Variants in TRIM67 observed in about 807,000 individuals in gnomAD.
TRIM67 encodes the protein tripartite motif containing 67, also known as tripartite motif-containing protein 67.
In TRIM67, 39 loss-of-function variants were observed where a neutral mutation model predicts 71.0. The ratio of observed to expected loss-of-function variants is 0.55; its 90% CI spans 0.43 to 0.72. The LOEUF is 0.72. Ranked by LOEUF, TRIM67 falls within the 30% of genes least tolerant of loss-of-function variation. The probability of loss-of-function intolerance (pLI) is 0.00; values close to 1 mark genes in which losing one functional copy is unlikely to be tolerated. For missense variants in TRIM67, 973 were observed against 1,079.2 expected, an observed-to-expected ratio of 0.90 and a Z score of 1.38; for synonymous variants, 481 against 473.9, an observed-to-expected ratio of 1.01 and a Z score of -0.19.
intron 5 of TRIM67, among the ~76,000 whole-genome samples, chr1:231,202,119 G>GAGA (rs1363349460): frequency 2.8e-3 from 13 of 4,682 alleles, no homozygotes; most frequent in Admixed American, 8.3e-3. Context: ...GGAGGTAATG[G>GAGA]TGGAGGAGGA....
intron 1 of TRIM67, among the ~76,000 whole-genome samples, chr1:231,174,256 T>A (rs1682688268): frequency 6.6e-6 from 1 of 151,642 alleles, no homozygotes; most frequent in Non-Finnish European, 1.5e-5. Flanking sequence ...ACTCCTAGGT[T>A]CAAACAATCC....
chr1:231,181,512 A>C (rs1232258790), intron 1 of TRIM67, among the ~76,000 whole-genome samples: 1 of 152,200 alleles, frequency 6.6e-6, no homozygotes, highest in Non-Finnish European at 1.5e-5. Context: ...TGTCTGATAC[A>C]ACCATTCTCT....
chr1:231,200,374 T>C, intron 4 of TRIM67, 116 bp downstream of exon 4: 2 of 665,386 alleles, frequency 3.0e-6, no homozygotes, highest in Admixed American at 2.3e-5. Flanking sequence ...TAGATTCTCC[T>C]TTGTTCAATG....
intron 1 of TRIM67, among the ~76,000 whole-genome samples, chr1:231,179,603 G>A (rs1277471046): frequency 2.6e-5 from 4 of 152,160 alleles, no homozygotes; most frequent in Non-Finnish European, 4.4e-5. Flanking sequence ...TGAACAGTAG[G>A]ATATGAATAA....
chr1:231,209,137 G>A lies in TRIM67; in HGVS notation c.2010G>A (p.Val670=). The A allele has an allele frequency of 6.2e-7, 1 of 1,613,952 alleles. No homozygotes were observed. The highest frequency in any genetic ancestry group is 8.5e-7 in the Non-Finnish European group (1 of 1,179,864). The part of the protein sequence containing the change: ...YDNHPDPAFG[V]ARASVVKDMM... ...ACCACCCAGACCCCGCCTTCGGGGT[G>A]GCCAGGGCCAGCGTGGTCAAGGACA... The change falls in exon 8 of 10, where the codon GTG becomes GTA. Residue 670 remains valine (V), a synonymous_variant. Transcript: ENST00000366653. This position sits in a 1 kb window ranked among gnomAD's most constrained non-coding sequence, Gnocchi z 4.1.
At chr1:231,200,057 G>C (rs1683476807) in intron 3 of TRIM67, 91 bp from the exon 4 acceptor site, 1 of 952,664 alleles carries the variant, frequency 1.0e-6, no homozygotes, top group African/African-American at 1.6e-5. Flanking sequence ...CCTCTTCCAG[G>C]CTGTATTGGC....
At chr1:231,166,291 G>T (rs1022638531) in intron 1 of TRIM67, among the ~76,000 whole-genome samples, 15 of 152,308 alleles carry the variant, frequency 9.8e-5, no homozygotes, top group African/African-American at 3.6e-4. Flanking sequence ...TCTTCAGCAG[G>T]TGCTGTTGAT....
rs866850596 is a variant in TRIM67 at position 231,197,426 on chromosome 1, A to G, written c.1100A>G (p.Glu367Gly). The G allele has an allele frequency of 6.2e-7, 1 of 1,614,018 alleles. No individual in the cohort carries two copies. The highest frequency in any genetic ancestry group is 1.3e-5 in the African/African-American group (1 of 75,062). The change falls in exon 2 of 10, where the codon GAG becomes GGG. Residue 367 changes from glutamate (E) to glycine (G), a missense_variant. Coordinates refer to ENST00000366653, the MANE Select transcript of TRIM67 (RefSeq NM_001004342.5). ...GVSDKAKEAKEFLVQLKNILQ... is the reference protein window; with the variant it reads ...GVSDKAKEAKGFLVQLKNILQ... ...TCAGATAAGGCAAAGGAAGCAAAGG[A>G]GTTTCTGGTTCAGCTAAAGAACATA... is the stretch of plus-strand genomic sequence containing the variant.
intron 1 of TRIM67, among the ~76,000 whole-genome samples, chr1:231,172,727 T>G (rs1383488122): frequency 1.3e-5 from 2 of 152,226 alleles, no homozygotes; most frequent in African/African-American, 4.8e-5. Context: ...GTTAGGAAAT[T>G]TAGACACATA....
At position 231,206,860 on chromosome 1, in the gene TRIM67, T is replaced by C. The variant is rs1683716891; in HGVS notation, c.1819+70T>C. On this transcript the variant is annotated intron_variant, in intron 7 of 9. Transcript: ENST00000366653. ...TATCCAGTGACAACCAGACAGCCAC[T>C]TGTGGCAGCTATGATGATGGGGTAG... 6.1e-6 allele frequency: 9 copies of C among 1,473,178 alleles called. No individual in the cohort carries two copies. The South Asian group carries it at 8.2e-5, about 13-fold the overall frequency. 91.3% of individuals were successfully genotyped at this position (1,473,178 alleles called of 1,614,324 possible). A position where few individuals can be genotyped will look rare whatever the true frequency, so the allele number is the denominator to read the frequency against.
In TRIM67 at chr1:231,169,991, C is replaced by CTTTTTTTTTTTTTTTTTTT. The variant is rs1342320930; in HGVS notation, c.1044+5979_1044+5980insTTTTTTTTTTTTTTTTTTT. On this transcript the variant is annotated intron_variant, in intron 1 of 9. Transcript: ENST00000366653. Reference sequence around the variant, plus strand: ...ACCTTTAAAATGTTTTTTTCTTTCTCTCTTTTTTTTTTGAGTTGGAGTTTC... The same window carrying CTTTTTTTTTTTTTTTTTTT: ...ACCTTTAAAATGTTTTTTTCTTTCTCTTTTTTTTTTTTTTTTTTTTCTTTTTTTTTTGAGTTGGAGTTTC... Among the ~76,000 whole-genome samples, 63 of 130,142 alleles carry CTTTTTTTTTTTTTTTTTTT rather than the reference C, an allele frequency of 4.8e-4. 1 individual carries two copies. The highest frequency in any genetic ancestry group is 1.7e-3 in the East Asian group (8 of 4,662). The allele number at this position is 130,142 out of a possible 152,430, so 85.4% of individuals were successfully genotyped here.
Position 231,162,896 on chromosome 1 carries a change from G to A in TRIM67, c.-74G>A. 1.9e-6 allele frequency: 3 copies of A among 1,545,616 alleles called. No homozygotes were observed. Among genetic ancestry groups the A allele is most frequent in the Non-Finnish European group, 2.6e-6 (3 of 1,151,254 alleles). On this transcript the variant is annotated 5_prime_UTR_variant, in exon 1 of 10. Transcript: ENST00000366653. ...CGTCTCACCGGGGCGCACCGCGCTGGTCCTCCTCCGCCAGTCTCCCGAGCT... is the reference window on the plus strand; with the variant it reads ...CGTCTCACCGGGGCGCACCGCGCTGATCCTCCTCCGCCAGTCTCCCGAGCT...
In TRIM67 at chr1:231,216,258, T is replaced by C; in HGVS notation, c.*818T>C. On this transcript the variant is annotated 3_prime_UTR_variant, in exon 10 of 10. Transcript: ENST00000366653. Reference sequence around the variant, plus strand: ...TCCATCCCTGCCTCTTTCTTCCCTCTTTCGCTCTCTTTCCCTCCCTCCTTC... The same window carrying C: ...TCCATCCCTGCCTCTTTCTTCCCTCCTTCGCTCTCTTTCCCTCCCTCCTTC... The C allele has an allele frequency of 1.0e-6, 1 of 979,218 alleles. No individual in the cohort carries two copies. The highest frequency in any genetic ancestry group is 1.2e-6 in the Non-Finnish European group (1 of 824,638). The allele number at this position is 979,218 out of a possible 1,614,324, so 60.7% of individuals were successfully genotyped here. A position where few individuals can be genotyped will look rare whatever the true frequency, so the allele number is the denominator to read the frequency against.
intron 1 of TRIM67, among the ~76,000 whole-genome samples, chr1:231,180,509 C>G (rs1383360420): frequency 6.6e-6 from 1 of 152,182 alleles, no homozygotes; most frequent in Non-Finnish European, 1.5e-5. Context: ...CCTGCACCCC[C>G]CTTCAGATAC....
chr1:231,176,275 C>A (rs1398851865), intron 1 of TRIM67, among the ~76,000 whole-genome samples: 2 of 152,160 alleles, frequency 1.3e-5, no homozygotes, highest in Admixed American at 6.5e-5. Context: ...TACAGCCAAC[C>A]TGATGTATAT....
chr1:231,163,730 C>T lies in TRIM67; in HGVS notation c.761C>T (p.Pro254Leu). Residue 254 changes from proline (P) to leucine (L), a missense_variant, in exon 1 of 10, where the codon CCG becomes CTG. Coordinates refer to ENST00000366653, the MANE Select transcript of TRIM67 (RefSeq NM_001004342.5). ...GCCAAGCATCGCCTGGTGCAGCCGC[C>T]GCCGCCGCCGCCGCCGCCCGCCGAG... ...PFAKHRLVQP[P>L]PPPPPPAEAA... is the part of the protein sequence containing the mutation. The T allele has an allele frequency of 6.7e-7, 1 of 1,487,666 alleles. No homozygotes were observed. The highest frequency in any genetic ancestry group is 8.9e-7 in the Non-Finnish European group (1 of 1,119,362). 92.2% of individuals were successfully genotyped at this position (1,487,666 alleles called of 1,614,324 possible).
In TRIM67 at chr1:231,211,443, C is replaced by A. The variant is rs151128624; in HGVS notation, c.2123+2193C>A. On this transcript the variant is annotated intron_variant, in intron 8 of 9. Transcript: ENST00000366653. The stretch of plus-strand genomic sequence containing the variant: ...GTTGGACCCCAGAGCTGACTGGGGG[C>A]CTGAGGCTTTGCTTAGGTTGGACTC... Among the ~76,000 whole-genome samples the A allele has an allele frequency of 9.3e-4, 141 of 152,282 alleles. 4 individuals are homozygous for A. The East Asian group carries it at 0.02, about 22-fold the overall frequency.
In TRIM67 at chr1:231,162,942, C is replaced by T. The variant is rs1367248796; in HGVS notation, c.-28C>T. 3.1e-6 allele frequency: 5 copies of T among 1,603,892 alleles called. No individual in the cohort carries two copies. The highest frequency in any genetic ancestry group is 2.7e-5 in the African/African-American group (2 of 74,488). Reference sequence around the variant, plus strand: ...GAGCTCCGGCCATTCATCCCCAGCGCAGAGCAGCGCTGGCAGCCGGCGCCG... The same window carrying T: ...GAGCTCCGGCCATTCATCCCCAGCGTAGAGCAGCGCTGGCAGCCGGCGCCG... On this transcript the variant is annotated 5_prime_UTR_variant, in exon 1 of 10. Transcript: ENST00000366653.
Position 231,218,073 on chromosome 1 carries a change from A to G in TRIM67, c.*2633A>G, listed in dbSNP as rs997987350. The G allele has an allele frequency of 1.1e-5, 12 of 1,121,590 alleles. No homozygotes were observed. Among genetic ancestry groups the G allele is most frequent in the Middle Eastern group, 4.2e-4 (1 of 2,398 alleles). 69.5% of individuals were successfully genotyped at this position (1,121,590 alleles called of 1,614,324 possible). Reference sequence around the variant, plus strand: ...CTGTCTTCAGCACAAAACACCTTCAATGTTCTGACTTCAAAGAGAACGACA... The same window carrying G: ...CTGTCTTCAGCACAAAACACCTTCAGTGTTCTGACTTCAAAGAGAACGACA... On this transcript the variant is annotated 3_prime_UTR_variant, in exon 10 of 10. Transcript: ENST00000366653.
Sources: allele counts gnomAD v4.1 joint callset (sites outside exome capture counted in the v4.1 genomes callset), GRCh38; gene constraint gnomAD v4.1.1; non-coding constraint Gnocchi (gnomAD v3.1); transcripts MANE v1.5; gene names NCBI Gene and HGNC (gene_info 2026-07-23, HGNC 2026-07-21).